Variants in ADAMTS14 observed in about 807,000 individuals in gnomAD.
ADAMTS14 encodes the protein A disintegrin and metalloproteinase with thrombospondin motifs 14.
In ADAMTS14, 100 loss-of-function variants were observed where a neutral mutation model predicts 128.6. The ratio of observed to expected loss-of-function variants is 0.78; its 90% CI spans 0.66 to 0.92. The LOEUF is 0.92. Ranked by LOEUF, ADAMTS14 falls within the 40% of genes least tolerant of loss-of-function variation. ADAMTS14 has a pLI of 0.00. For synonymous variants in ADAMTS14, 665 were observed against 653.8 expected (o/e 1.02, Z -0.26); for missense variants, 1,562 against 1,658.6 (o/e 0.94, Z 1.01).
chr10:70,754,642 G>A (rs974083053), intron 19 of ADAMTS14, among the ~76,000 whole-genome samples: 2 of 152,186 alleles, frequency 1.3e-5, no homozygotes, highest in Non-Finnish European at 2.9e-5. Flanking sequence ...GGGAGGGATA[G>A]GGGCTGCGAG....
At position 70,735,316 on chromosome 10, in the gene ADAMTS14, G is replaced by A. The variant is rs775161249; in HGVS notation, c.1485+15G>A. The A allele has an allele frequency of 1.9e-6, 3 of 1,613,002 alleles. No homozygotes were observed. The East Asian group carries it at 6.7e-5, about 36-fold the overall frequency. ...CCTGCTTGGCAGTAAGTAGCCATCTGGCCTCTGCCAGGTGGTTGGGGGCCA... is the reference window on the plus strand; with the variant it reads ...CCTGCTTGGCAGTAAGTAGCCATCTAGCCTCTGCCAGGTGGTTGGGGGCCA... On this transcript the variant is annotated intron_variant, in intron 9 of 21. Transcript: ENST00000373207.
chr10:70,755,313 C>CA (rs33982477), intron 19 of ADAMTS14, among the ~76,000 whole-genome samples: 17,112 of 118,054 alleles, frequency 0.14, 1,141 homozygotes, highest in South Asian at 0.25. Flanking sequence ...GCTTGTCTCA[C>CA]AAAAAAAAAA....
In ADAMTS14 at chr10:70,751,588, G is replaced by A. The variant is rs568975141; in HGVS notation, c.2538G>A (p.Met846Ile). ...IGSNNVLLEE[M>I]DTYEWALKSW... ...GCAACAATGTGCTCCTGGAGGAGAT[G>A]GACACCTATGAGTGGGCGCTCAAGA... Residue 846 changes from methionine to isoleucine, a missense_variant, in exon 17 of 22, where the codon ATG (methionine) becomes ATA (isoleucine). Met to Ile is a conservative substitution (Grantham distance 10). Coordinates refer to ENST00000373207, the MANE Select transcript of ADAMTS14 (RefSeq NM_080722.4). The A allele has an allele frequency of 1.2e-6, 2 of 1,613,826 alleles. No homozygotes were observed. Among genetic ancestry groups the A allele is most frequent in the East Asian group, 2.2e-5 (1 of 44,870 alleles).
In ADAMTS14 at chr10:70,736,786, C is replaced by G; in HGVS notation, c.1592C>G (p.Pro531Arg). 6.2e-7 allele frequency: 1 copy of G among 1,613,448 alleles called. No individual in the cohort carries two copies. The highest frequency in any genetic ancestry group is 8.5e-7 in the Non-Finnish European group (1 of 1,179,658). ...CCGCTGGATGGGACTGAGTGTGCAC[C>G]CGGCAAGGTACCTGTGGGGTGTGCA... is the stretch of plus-strand genomic sequence containing the variant. Reference protein sequence around the residue: ...GPPLDGTECAPGKWCFKGHCI... With the variant: ...GPPLDGTECARGKWCFKGHCI... Residue 531 changes from proline to arginine, a missense_variant, in exon 10 of 22, where the codon CCC becomes CGC. By Grantham distance (103) the Pro-to-Arg change is moderately radical. Transcript: ENST00000373207.
chr10:70,696,914 T>C (rs1224889501), intron 2 of ADAMTS14, among the ~76,000 whole-genome samples: 1 of 152,170 alleles, frequency 6.6e-6, no homozygotes, highest in Non-Finnish European at 1.5e-5. Context: ...GGAAGCCATT[T>C]CTGATCCTTG....
At chr10:70,728,215 AT>A (rs1339004314) in intron 4 of ADAMTS14, among the ~76,000 whole-genome samples, 1 of 152,198 alleles carries the variant, frequency 6.6e-6, no homozygotes, top group Admixed American at 6.5e-5. Flanking sequence ...TTTTAAATGT[AT>A]TGAATGATGT....
chr10:70,696,194 G>T (rs1017788622), intron 2 of ADAMTS14, among the ~76,000 whole-genome samples: 2 of 152,170 alleles, frequency 1.3e-5, no homozygotes, highest in African/African-American at 4.8e-5. Context: ...TGGAAAGGGG[G>T]TGCTAGCTGC....
chr10:70,751,508 A>C lies in ADAMTS14; in HGVS notation c.2458A>C (p.Ser820Arg), dbSNP rs1842349529. ...CCCCCCAACTGAGGGTGGCCCCCGC[A>C]GCAGCCTGGCCTACAAGTACGTCAT... Reference protein sequence around the residue: ...ALPPTEGGPRSSLAYKYVIHE... With the variant: ...ALPPTEGGPRRSLAYKYVIHE... The change falls in exon 17 of 22, where the codon AGC (serine) becomes CGC (arginine). Residue 820 changes from serine to arginine, a missense_variant. Physicochemically the swap from Ser to Arg is moderately radical, Grantham distance 110 (BLOSUM62 -1). Transcript: ENST00000373207. The C allele has an allele frequency of 6.2e-7, 1 of 1,610,210 alleles. No individual in the cohort carries two copies. The highest frequency in any genetic ancestry group is 1.1e-5 in the South Asian group (1 of 90,928).
chr10:70,693,674 A>G (rs1840253016), intron 2 of ADAMTS14, among the ~76,000 whole-genome samples: 3 of 152,166 alleles, frequency 2.0e-5, no homozygotes, highest in Admixed American at 2.0e-4. Context: ...CTCTGCATTT[A>G]CCCACCACAT....
At chr10:70,674,270 T>C (rs966092671) in intron 1 of ADAMTS14, among the ~76,000 whole-genome samples, 1 of 152,206 alleles carries the variant, frequency 6.6e-6, no homozygotes, top group Non-Finnish European at 1.5e-5. Flanking sequence ...GAAGTCTTGT[T>C]GCTAGTGACC....
chr10:70,717,777 C>T (rs10823603), intron 4 of ADAMTS14, among the ~76,000 whole-genome samples: 68,949 of 152,008 alleles, frequency 0.45, 16,594 homozygotes, highest in Middle Eastern at 0.58. Context: ...CTCTAGAAAC[C>T]CTCTTGGCAG....
At chr10:70,717,559 A>G (rs745899476) in intron 4 of ADAMTS14, among the ~76,000 whole-genome samples, 2 of 152,116 alleles carry the variant, frequency 1.3e-5, no homozygotes, top group Non-Finnish European at 2.9e-5. Flanking sequence ...GGTGGCATCC[A>G]AGGTGGATCT....
intron 2 of ADAMTS14, among the ~76,000 whole-genome samples, chr10:70,695,828 C>T (rs1340716883): frequency 6.6e-6 from 1 of 152,200 alleles, no homozygotes; most frequent in Non-Finnish European, 1.5e-5. Flanking sequence ...AAGTCATTTG[C>T]AGTCATGCAG....
At chr10:70,751,375 T>C in intron 16 of ADAMTS14, 103 bp from the exon 17 acceptor site, 3 of 1,171,566 alleles carry the variant, frequency 2.6e-6, no homozygotes, top group Non-Finnish European at 3.7e-6. Flanking sequence ...CTTTCACAGG[T>C]TCTGCTCCGA....
chr10:70,691,322 G>T (rs1232884194), intron 2 of ADAMTS14, among the ~76,000 whole-genome samples: 1 of 141,996 alleles, frequency 7.0e-6, no homozygotes, highest in Non-Finnish European at 1.6e-5. Flanking sequence ...GTGAATCCCC[G>T]TGTCTACTAA....
intron 13 of ADAMTS14, 45 bp from the exon 14 acceptor site, chr10:70,744,021 G>A: frequency 1.3e-6 from 2 of 1,543,798 alleles, no homozygotes; most frequent in Non-Finnish European, 1.8e-6. Flanking sequence ...GGGTGGCGGT[G>A]GGGGCAGGGG....
intron 2 of ADAMTS14, among the ~76,000 whole-genome samples, chr10:70,682,433 T>TG (rs982728104): frequency 1.6e-4 from 24 of 152,184 alleles, no homozygotes; most frequent in African/African-American, 5.3e-4. Context: ...CAGCATGTGC[T>TG]GGGGGGTGAG....
chr10:70,701,559 G>C (rs978113410), intron 2 of ADAMTS14, among the ~76,000 whole-genome samples: 1 of 152,180 alleles, frequency 6.6e-6, no homozygotes, highest in Non-Finnish European at 1.5e-5. Flanking sequence ...CTAGTTGTAT[G>C]TTTCATTGGC....
intron 19 of ADAMTS14, among the ~76,000 whole-genome samples, chr10:70,756,529 G>A (rs1842482594): frequency 6.6e-6 from 1 of 152,170 alleles, no homozygotes; most frequent in Non-Finnish European, 1.5e-5. Flanking sequence ...TGCAATTCAA[G>A]GCATACACAG....
Sources: gnomAD v4.1 joint callset for allele counts (sites outside exome capture counted in the v4.1 genomes callset) on GRCh38, gnomAD v4.1.1 for gene constraint, MANE v1.5 for transcripts, NCBI Gene and HGNC (gene_info 2026-07-23, HGNC 2026-07-21) for gene names.